Variants in CNKSR2 observed in about 807,000 individuals in gnomAD.
The protein encoded by CNKSR2 is CNK homolog protein 2.
A neutral mutation model predicts 84.4 loss-of-function variants in CNKSR2; 14 were observed. The observed-to-expected ratio is 0.17, with a 90% CI of 0.11 to 0.26. CNKSR2 has a LOEUF of 0.26. Among genes scored for constraint, CNKSR2 ranks in the 10% least tolerant of loss-of-function variants. The pLI, the probability that CNKSR2 is intolerant of heterozygous loss-of-function variation, is 1.00. For synonymous variants in CNKSR2, 275 were observed against 277.9 expected (o/e 0.99, Z 0.10); for missense variants, 485 against 771.2 (o/e 0.63, Z 4.40).
rs769414730 is a variant in CNKSR2 at position 21,609,123 on chromosome X, C to T, written c.2198C>T (p.Thr733Met). The T allele has an allele frequency of 2.5e-6, 3 of 1,211,139 alleles. No individual in the cohort carries two copies. Among genetic ancestry groups the T allele is most frequent in the South Asian group, 1.8e-5 (1 of 56,881 alleles). The change falls in exon 20 of 22, where the codon ACG (threonine) becomes ATG (methionine). Residue 733 changes from threonine to methionine, a missense_variant. Around this residue, in one of 5 missense-constraint regions of CNKSR2, gnomAD observed 210 missense variants for 291.5 expected, o/e 0.72. Coordinates refer to ENST00000379510, the MANE Select transcript of CNKSR2 (RefSeq NM_014927.5). Reference protein sequence around the residue: ...VEAKHSRLSSTETSQSQSSHE... With the variant: ...VEAKHSRLSSMETSQSQSSHE... The stretch of plus-strand genomic sequence containing the variant: ...GCAAAACATAGCCGACTTTCCTCCA[C>T]GGAGACTTCTCAGTCTCAGTCTTCT...
At chrX:21,457,949 G>A (rs986956520) in intron 4 of CNKSR2, among the ~76,000 whole-genome samples, 10 of 112,198 alleles carry the variant, frequency 8.9e-5, no homozygotes, top group East Asian at 2.8e-4. Context: ...TCATTGTACT[G>A]TGCTGCTATT....
chrX:21,580,178 T>C (rs2092345167), intron 13 of CNKSR2, among the ~76,000 whole-genome samples: 1 of 112,228 alleles, frequency 8.9e-6, no homozygotes, highest in Non-Finnish European at 1.9e-5. Flanking sequence ...AGGAACAGTC[T>C]GAATTATATA....
At chrX:21,398,663 C>T in intron 1 of CNKSR2, among the ~76,000 whole-genome samples, 1 of 111,943 alleles carries the variant, frequency 8.9e-6, no homozygotes. Flanking sequence ...TCATTGGCAG[C>T]CGCCTGGGCT....
chrX:21,385,292 C>A (rs1324423187), intron 1 of CNKSR2, among the ~76,000 whole-genome samples: 1 of 111,571 alleles, frequency 9.0e-6, no homozygotes, highest in Non-Finnish European at 1.9e-5. Flanking sequence ...GTATTACCTA[C>A]AATTACCAAT....
intron 5 of CNKSR2, among the ~76,000 whole-genome samples, chrX:21,474,084 T>G (rs538437420): frequency 9.1e-6 from 1 of 110,381 alleles, no homozygotes; most frequent in Non-Finnish European, 1.9e-5. Flanking sequence ...TCTCTCCTTT[T>G]TATATGGACC....
chrX:21,627,161 C>T (rs188214857), intron 20 of CNKSR2, among the ~76,000 whole-genome samples: 90 of 111,082 alleles, frequency 8.1e-4, no homozygotes, highest in African/African-American at 2.8e-3. Flanking sequence ...ACATTTTGCA[C>T]GTGAGCGTGT....
chrX:21,614,004 CAAAAT>C (rs1241154662), intron 20 of CNKSR2, among the ~76,000 whole-genome samples: 4 of 107,240 alleles, frequency 3.7e-5, no homozygotes, highest in Non-Finnish European at 7.7e-5. Context: ...TATAAATAAA[CAAAAT>C]AAATAAATAA....
At chrX:21,500,545 G>T (rs1434267633) in intron 7 of CNKSR2, among the ~76,000 whole-genome samples, 1 of 110,541 alleles carries the variant, frequency 9.0e-6, no homozygotes, top group Non-Finnish European at 1.9e-5. Context: ...TTATAAAAAT[G>T]GATTTTCTAT....
At chrX:21,580,868 C>CT (rs1484382057) in intron 13 of CNKSR2, among the ~76,000 whole-genome samples, 2 of 111,761 alleles carry the variant, frequency 1.8e-5, no homozygotes, top group African/African-American at 6.5e-5. Context: ...CAAATCTACT[C>CT]TTATTTCTCT....
At chrX:21,564,829 A>T (rs1339248615) in intron 13 of CNKSR2, among the ~76,000 whole-genome samples, 1 of 110,338 alleles carries the variant, frequency 9.1e-6, no homozygotes, top group East Asian at 2.9e-4. Context: ...CCCCAGTTAC[A>T]TACTCTCAGA....
intron 20 of CNKSR2, among the ~76,000 whole-genome samples, chrX:21,639,029 G>T (rs1231456484): frequency 8.9e-6 from 1 of 111,792 alleles, no homozygotes; most frequent in Non-Finnish European, 1.9e-5. Flanking sequence ...TTTTAGAAAA[G>T]AGGAATAAAA....
At chrX:21,468,292 TACTA>T (rs2091154820) in intron 4 of CNKSR2, among the ~76,000 whole-genome samples, 2 of 111,476 alleles carry the variant, frequency 1.8e-5, no homozygotes, top group African/African-American at 3.2e-5. Flanking sequence ...ATTTAAATAT[TACTA>T]ACTATATTTA....
At chrX:21,599,789 G>A (rs1200333225) in intron 17 of CNKSR2, among the ~76,000 whole-genome samples, 3 of 111,786 alleles carry the variant, frequency 2.7e-5, no homozygotes, top group African/African-American at 3.2e-5. Flanking sequence ...CCCAAGAGTG[G>A]TAAGATATGC....
chrX:21,422,177 T>G (rs780257111), intron 1 of CNKSR2: 1 of 111,880 alleles, frequency 8.9e-6, no homozygotes, highest in Non-Finnish European at 1.9e-5. Context: ...CATAAGTGGA[T>G]GCTTATGGAA....
In CNKSR2 at chrX:21,445,997, A is replaced by G. The variant is rs1178168450; in HGVS notation, c.519+5216A>G. 2.7e-5 allele frequency among the ~76,000 whole-genome samples: 3 copies of G among 111,533 alleles called. No individual in the cohort carries two copies. The East Asian group carries it at 8.5e-4, about 31-fold the overall frequency. ...GATTGCTGGATCATATGATAGTTCT[A>G]TTTTTGTGAAATATACATTCTGTTT... On this transcript the variant is annotated intron_variant, in intron 4 of 21. Coordinates refer to ENST00000379510, the MANE Select transcript of CNKSR2 (RefSeq NM_014927.5).
intron 17 of CNKSR2, among the ~76,000 whole-genome samples, chrX:21,596,110 A>G (rs1481619256): frequency 8.9e-6 from 1 of 111,859 alleles, no homozygotes; most frequent in Non-Finnish European, 1.9e-5. Context: ...ACAGTTAGGG[A>G]GAGGCAGCAT....
chrX:21,635,826 A>AC (rs1437587579), intron 20 of CNKSR2, among the ~76,000 whole-genome samples: 16 of 110,918 alleles, frequency 1.4e-4, no homozygotes, highest in African/African-American at 4.6e-4. Flanking sequence ...CCCCAGGCAC[A>AC]CATACCCTTA....
At chrX:21,442,542 A>G (rs1374674308) in intron 4 of CNKSR2, among the ~76,000 whole-genome samples, 1 of 112,230 alleles carries the variant, frequency 8.9e-6, no homozygotes, top group East Asian at 2.8e-4. Context: ...GGTTTGCAAG[A>G]TGAAACTTTG....
chrX:21,549,255 G>A (rs192938458), intron 11 of CNKSR2, among the ~76,000 whole-genome samples: 23 of 111,854 alleles, frequency 2.1e-4, no homozygotes, highest in African/African-American at 6.8e-4. Flanking sequence ...TGCAAAAATC[G>A]CAAGCGTTCC....
Sources: gnomAD v4.1 joint callset for allele counts (sites outside exome capture counted in the v4.1 genomes callset) on GRCh38, gnomAD v4.1.1 for gene constraint, gnomAD v4.1.1 regional missense constraint, MANE v1.5 for transcripts, NCBI Gene and HGNC (gene_info 2026-07-23, HGNC 2026-07-21) for gene names.